The following TSC22D3 variants were observed in gnomAD, a reference collection of about 807,000 sequenced individuals.
The protein encoded by TSC22D3 is TSC22 domain family protein 3.
A neutral mutation model predicts 11.1 loss-of-function variants in TSC22D3; 4 were observed. The observed-to-expected ratio is 0.36, with a 90% CI of 0.18 to 0.83. The LOEUF is 0.83. Ranked by LOEUF, TSC22D3 falls within the 40% of genes least tolerant of loss-of-function variation. The pLI, the probability that TSC22D3 is intolerant of heterozygous loss-of-function variation, is 0.48. For missense variants in TSC22D3, 118 were observed against 159.4 expected, an observed-to-expected ratio of 0.74 and a Z score of 1.40; for synonymous variants, 77 against 70.3, an observed-to-expected ratio of 1.10 and a Z score of -0.48.
intron 1 of TSC22D3, among the ~76,000 whole-genome samples, chrX:107,735,944 T>C (rs1216674960): frequency 8.9e-6 from 1 of 112,110 alleles, no homozygotes; most frequent in Non-Finnish European, 1.9e-5. Context: ...CCCTGCTTTT[T>C]TGGGGTGAGG....
chrX:107,767,123 G>A (rs951089178), intron 1 of TSC22D3, among the ~76,000 whole-genome samples: 10 of 111,686 alleles, frequency 9.0e-5, no homozygotes, highest in Non-Finnish European at 1.7e-4. Flanking sequence ...GGGAATCCTG[G>A]CCAGACCCCT....
intron 1 of TSC22D3, among the ~76,000 whole-genome samples, chrX:107,748,087 C>T (rs1408764151): frequency 8.9e-6 from 1 of 111,861 alleles, no homozygotes; most frequent in African/African-American, 3.3e-5. Context: ...CACCCCTGCA[C>T]ACACACCCCT....
At chrX:107,731,956 G>T (rs1348521297) in intron 1 of TSC22D3, among the ~76,000 whole-genome samples, 1 of 111,206 alleles carries the variant, frequency 9.0e-6, no homozygotes, top group South Asian at 3.8e-4. Context: ...TCTGTAAAAC[G>T]GGAAACCTAG....
chrX:107,743,563 T>C (rs917172292), intron 1 of TSC22D3, among the ~76,000 whole-genome samples: 6 of 111,232 alleles, frequency 5.4e-5, no homozygotes, highest in African/African-American at 2.0e-4. Context: ...GGCTCCAGAG[T>C]TGGATTTGTG....
intron 1 of TSC22D3, among the ~76,000 whole-genome samples, chrX:107,718,745 G>A (rs745690565): frequency 8.9e-6 from 1 of 112,554 alleles, no homozygotes; most frequent in South Asian, 3.6e-4. Context: ...TAAACCTGCT[G>A]CACTAGCCCG....
intron 1 of TSC22D3, among the ~76,000 whole-genome samples, chrX:107,760,182 G>C (rs1929374594): frequency 8.9e-6 from 1 of 112,987 alleles, no homozygotes; most frequent in South Asian, 3.6e-4. Context: ...TGTCCCCCTT[G>C]CATGACTGTG....
intron 1 of TSC22D3, chrX:107,721,962 C>A: frequency 2.1e-6 from 1 of 477,326 alleles, no homozygotes; most frequent in Admixed American, 3.0e-5. Context: ...TCTGGTTCCA[C>A]TCCAGTGTGG....
chrX:107,740,237 A>G (rs1389355112), intron 1 of TSC22D3, among the ~76,000 whole-genome samples: 1 of 111,888 alleles, frequency 8.9e-6, no homozygotes, highest in Non-Finnish European at 1.9e-5. Flanking sequence ...ACTTGTGACT[A>G]AGCATATGAG....
At chrX:107,767,169 A>G (rs1412345803) in intron 1 of TSC22D3, among the ~76,000 whole-genome samples, 2 of 112,011 alleles carry the variant, frequency 1.8e-5, no homozygotes, top group Non-Finnish European at 3.8e-5. Context: ...TCCCCTGAAG[A>G]GAAGATTAGA....
intron 1 of TSC22D3, among the ~76,000 whole-genome samples, chrX:107,763,407 A>T (rs1344134389): frequency 9.0e-6 from 1 of 111,053 alleles, no homozygotes; most frequent in Non-Finnish European, 1.9e-5. Context: ...AGGGCAGGTG[A>T]TACCCACCAT....
intron 1 of TSC22D3, among the ~76,000 whole-genome samples, chrX:107,736,568 A>G (rs918818182): frequency 8.9e-6 from 1 of 111,989 alleles, no homozygotes; most frequent in Non-Finnish European, 1.9e-5. Context: ...AACTGAGACC[A>G]GGAGAGGGAA....
Position 107,713,376 on chromosome X carries a change from C to T in TSC22D3, c.*1143G>A, listed in dbSNP as rs1434417428. On this transcript the variant is annotated 3_prime_UTR_variant, in exon 3 of 3. Coordinates refer to ENST00000372383, the MANE Select transcript of TSC22D3 (RefSeq NM_198057.3). ...CCGCTACAGACAAGCTTTCTGGGCA[C>T]ACCTCCCAGGCTCCATTGGATCAAA... The T allele has an allele frequency of 8.9e-6, 1 of 112,595 alleles. No individual in the cohort carries two copies. Among genetic ancestry groups the T allele is most frequent in the Non-Finnish European group, 1.9e-5 (1 of 53,277 alleles). 9.3% of individuals were successfully genotyped at this position (112,595 alleles called of 1,213,427 possible).
chrX:107,749,935 C>T (rs1431750043), intron 1 of TSC22D3, among the ~76,000 whole-genome samples: 1 of 112,002 alleles, frequency 8.9e-6, no homozygotes, highest in Non-Finnish European at 1.9e-5. Flanking sequence ...CTACATCCTC[C>T]GGTTACCCTA....
intron 1 of TSC22D3, among the ~76,000 whole-genome samples, chrX:107,718,581 G>T (rs1831858283): frequency 8.8e-6 from 1 of 113,340 alleles, no homozygotes; most frequent in African/African-American, 3.2e-5. Context: ...AATGCAGTCT[G>T]AAGGCCTTGA....
At chrX:107,722,345 A>G (rs1465035853) in intron 1 of TSC22D3, 3 of 115,314 alleles carry the variant, frequency 2.6e-5, no homozygotes, top group Non-Finnish European at 3.6e-5. Context: ...CTCCTGTCCA[A>G]GGTCCCATGT....
chrX:107,742,281 A>AAGAGAGAGAGAGAG (rs764889060), intron 1 of TSC22D3, among the ~76,000 whole-genome samples: 32 of 56,812 alleles, frequency 5.6e-4, no homozygotes, highest in African/African-American at 2.5e-3. Context: ...GAGAGAGAGA[A>AAGAGAGAGAGAGAG]AGAGAGAGAG....
chrX:107,746,193 G>A (rs1928643682), intron 1 of TSC22D3, among the ~76,000 whole-genome samples: 2 of 111,417 alleles, frequency 1.8e-5, no homozygotes, highest in Non-Finnish European at 3.8e-5. Context: ...GGTGGCCTGG[G>A]AGAGGGGGCA....
chrX:107,742,906 G>A (rs1928484826), intron 1 of TSC22D3, among the ~76,000 whole-genome samples: 1 of 112,264 alleles, frequency 8.9e-6, no homozygotes, highest in South Asian at 3.7e-4. Context: ...AGCCCCGAGA[G>A]CAGCGCCCGT....
At chrX:107,772,739 T>A (rs762507577) in intron 1 of TSC22D3, among the ~76,000 whole-genome samples, 5 of 110,935 alleles carry the variant, frequency 4.5e-5, no homozygotes, top group Admixed American at 9.6e-5. Flanking sequence ...TAGTCCCAGC[T>A]ACTTGGGAGG....
Sources: gnomAD v4.1 joint callset for allele counts (sites outside exome capture counted in the v4.1 genomes callset) on GRCh38, gnomAD v4.1.1 for gene constraint, MANE v1.5 for transcripts, NCBI Gene and HGNC (gene_info 2026-07-23, HGNC 2026-07-21) for gene names.